The following TLL2 variants were observed in gnomAD, a reference collection of about 807,000 sequenced individuals.
The protein encoded by TLL2 is tolloid like 2.
In TLL2, 106 loss-of-function variants were observed where a neutral mutation model predicts 123.0. That is an observed-to-expected ratio of 0.86 (90% CI 0.74 to 1.01). TLL2 has a LOEUF of 1.01. Among genes scored for constraint, TLL2 ranks in the 50% least tolerant of loss-of-function variants. The probability of loss-of-function intolerance (pLI) is 0.00; values close to 1 mark genes in which losing one functional copy is unlikely to be tolerated. For missense variants in TLL2, 1,332 were observed against 1,336.7 expected (o/e 1.00, Z 0.06); for synonymous variants, 494 against 516.8 (o/e 0.96, Z 0.60).
At chr10:96,508,794 G>A (rs563693863) in intron 1 of TLL2, among the ~76,000 whole-genome samples, 2 of 151,986 alleles carry the variant, frequency 1.3e-5, no homozygotes, top group East Asian at 1.9e-4. Context: ...TTAATGCCTC[G>A]GGGAATGTGG....
At chr10:96,503,808 C>G (rs1847555808) in intron 1 of TLL2, among the ~76,000 whole-genome samples, 2 of 152,152 alleles carry the variant, frequency 1.3e-5, no homozygotes, top group African/African-American at 4.8e-5. Flanking sequence ...GATTCCTAGA[C>G]AAGGATAAAG....
At chr10:96,483,731 G>C (rs1158841712) in intron 1 of TLL2, among the ~76,000 whole-genome samples, 1 of 152,136 alleles carries the variant, frequency 6.6e-6, no homozygotes, top group Non-Finnish European at 1.5e-5. Context: ...TGTTACAAGA[G>C]GGGAGGAGGC....
chr10:96,414,179 T>A (rs537739273), intron 7 of TLL2, among the ~76,000 whole-genome samples: 1 of 152,336 alleles, frequency 6.6e-6, no homozygotes, highest in East Asian at 1.9e-4. Context: ...AGCCTCCTCT[T>A]CTGCTTCCAG....
intron 2 of TLL2, among the ~76,000 whole-genome samples, chr10:96,476,240 A>ACACATATATATATATATATATTC (rs1847247135): frequency 4.9e-5 from 1 of 20,502 alleles, no homozygotes; most frequent in East Asian, 2.1e-3. Context: ...ATATATATAT[A>ACACATATATATATATATATATTC]TTTTATTTTT....
intron 1 of TLL2, among the ~76,000 whole-genome samples, chr10:96,501,769 C>G (rs1847535717): frequency 6.6e-6 from 1 of 152,250 alleles, no homozygotes; most frequent in Non-Finnish European, 1.5e-5. Flanking sequence ...AACTCCCTCA[C>G]CAGGAAGTCT....
At chr10:96,458,934 A>G (rs1476902734) in intron 2 of TLL2, among the ~76,000 whole-genome samples, 1 of 152,212 alleles carries the variant, frequency 6.6e-6, no homozygotes, top group Non-Finnish European at 1.5e-5. Context: ...TGTCTCTACA[A>G]AAAAATTTAA....
At chr10:96,434,787 A>G (rs529985685) in intron 3 of TLL2, among the ~76,000 whole-genome samples, 28 of 152,272 alleles carry the variant, frequency 1.8e-4, no homozygotes, top group Admixed American at 1.7e-3. Context: ...CAGTGGCACC[A>G]TTTTACATTC....
chr10:96,474,002 G>A (rs533215789), intron 2 of TLL2, among the ~76,000 whole-genome samples: 11 of 152,272 alleles, frequency 7.2e-5, no homozygotes, highest in Admixed American at 1.3e-4. Flanking sequence ...GCGCCTGTGT[G>A]TGTGTCTGTG....
chr10:96,386,083 A>T lies in TLL2; in HGVS notation c.1985T>A (p.Phe662Tyr). 6.2e-7 allele frequency: 1 copy of T among 1,608,188 alleles called. No individual in the cohort carries two copies. The highest frequency in any genetic ancestry group is 8.5e-7 in the Non-Finnish European group (1 of 1,177,388). Residue 662 changes from phenylalanine to tyrosine, a missense_variant, in exon 15 of 21, where the codon TTT becomes TAT. Coordinates refer to ENST00000357947, the MANE Select transcript of TLL2 (RefSeq NM_012465.4). ...ATTGCCTTCCAGTTCAAACACTTCA[A>T]ACTGAAGGGAGATCCGGTACTGAGC... ...APAQYRISLQ[F>Y]EVFELEGNDV...
rs764122030 is a variant in TLL2 at position 96,513,648 on chromosome 10, A to G, written c.38T>C (p.Leu13Pro). Residue 13 changes from leucine to proline, a missense_variant, in exon 1 of 21, where the codon CTG (leucine) becomes CCG (proline). Transcript: ENST00000357947. ...RATALGALVS[L>P]LLLLPLPRGA... ...GCGAGGCAGCGGCAGCAGCAGCAGCAGTGACACCAGGGCCCCAAGTGCAGT... is the reference window on the plus strand; with the variant it reads ...GCGAGGCAGCGGCAGCAGCAGCAGCGGTGACACCAGGGCCCCAAGTGCAGT... 3 of 1,587,510 alleles carry G rather than the reference A, an allele frequency of 1.9e-6. No homozygotes were observed. The highest frequency in any genetic ancestry group is 2.6e-6 in the Non-Finnish European group (3 of 1,173,338).
chr10:96,455,234 A>T (rs760671663), intron 2 of TLL2, among the ~76,000 whole-genome samples: 21 of 152,068 alleles, frequency 1.4e-4, no homozygotes, highest in Non-Finnish European at 2.8e-4. Context: ...GCCTCAAAAA[A>T]AATAAAATTA....
At chr10:96,385,797 T>C (rs1723517700) in intron 15 of TLL2, among the ~76,000 whole-genome samples, 1 of 152,144 alleles carries the variant, frequency 6.6e-6, no homozygotes, top group African/African-American at 2.4e-5. Context: ...ACCCCCAATA[T>C]CTGCCTCTTC....
intron 7 of TLL2, 65 bp downstream of exon 7, chr10:96,420,891 G>A (rs1235209386): frequency 1.4e-6 from 2 of 1,472,426 alleles, no homozygotes; most frequent in Non-Finnish European, 1.9e-6. Flanking sequence ...AGACCTCCAG[G>A]AATCCAACCC....
At chr10:96,493,824 G>A (rs1847441799) in intron 1 of TLL2, among the ~76,000 whole-genome samples, 2 of 152,198 alleles carry the variant, frequency 1.3e-5, no homozygotes, top group African/African-American at 2.4e-5. Context: ...GAATCCGTGA[G>A]TGAACAAATA....
At chr10:96,488,895 C>T (rs1847384103) in intron 1 of TLL2, among the ~76,000 whole-genome samples, 1 of 152,208 alleles carries the variant, frequency 6.6e-6, no homozygotes, top group Non-Finnish European at 1.5e-5. Flanking sequence ...CCTTGATACT[C>T]TAAATAAACC....
At chr10:96,443,304 G>A (rs1401490258) in intron 3 of TLL2, among the ~76,000 whole-genome samples, 4 of 152,138 alleles carry the variant, frequency 2.6e-5, no homozygotes. Context: ...CATTCTTGAA[G>A]TTTTGAGTCC....
intron 18 of TLL2, among the ~76,000 whole-genome samples, chr10:96,374,978 T>G (rs766486709): frequency 0.011 from 396 of 36,662 alleles, no homozygotes; most frequent in African/African-American, 0.015. Context: ...GGGGGGGGGG[T>G]GTCAATTCAA....
chr10:96,459,530 T>C (rs1399077125), intron 2 of TLL2, among the ~76,000 whole-genome samples: 1 of 150,286 alleles, frequency 6.7e-6, no homozygotes, highest in Non-Finnish European at 1.5e-5. Context: ...AATACAAAAA[T>C]CAGCCGGCAC....
At chr10:96,476,289 C>T (rs530508215) in intron 2 of TLL2, among the ~76,000 whole-genome samples, 48 of 124,392 alleles carry the variant, frequency 3.9e-4, no homozygotes, top group Admixed American at 3.0e-3. Flanking sequence ...CTCACTCTGT[C>T]ACTCAGATGT....
Sources: gnomAD v4.1 joint callset for allele counts (sites outside exome capture counted in the v4.1 genomes callset) on GRCh38, gnomAD v4.1.1 for gene constraint, MANE v1.5 for transcripts, NCBI Gene and HGNC (gene_info 2026-07-23, HGNC 2026-07-21) for gene names.